The following ABCA13 variants were observed in gnomAD, a reference collection of about 807,000 sequenced individuals.
ABCA13 encodes ATP-binding cassette sub-family A member 13.
In ABCA13, 476 loss-of-function variants were observed where a neutral mutation model predicts 478.7. That is an observed-to-expected ratio of 0.99 (90% CI 0.92 to 1.07). The LOEUF is 1.07. Ranked by LOEUF, ABCA13 falls within the 50% of genes least tolerant of loss-of-function variation. The pLI is 0.00. For missense variants in ABCA13, 6,060 were observed against 5,910.6 expected (o/e 1.03, Z -0.83); for synonymous variants, 2,252 against 2,158.9 (o/e 1.04, Z -1.20).
At chr7:48,412,144 A>G (rs1429164109) in intron 40 of ABCA13, among the ~76,000 whole-genome samples, 1 of 152,180 alleles carries the variant, frequency 6.6e-6, no homozygotes, top group Non-Finnish European at 1.5e-5. Context: ...TGGCCTCACA[A>G]GGTTTATCAC....
intron 7 of ABCA13, among the ~76,000 whole-genome samples, chr7:48,230,185 T>G (rs1482161326): frequency 3.3e-5 from 5 of 152,234 alleles, no homozygotes; most frequent in Non-Finnish European, 7.3e-5. Flanking sequence ...ATTGCTAATA[T>G]AAATGATATT....
chr7:48,400,477 G>A (rs922659281), intron 38 of ABCA13, among the ~76,000 whole-genome samples: 1 of 152,126 alleles, frequency 6.6e-6, no homozygotes, highest in African/African-American at 2.4e-5. Context: ...CTTTTGAGAA[G>A]GAATTTGGAA....
At chr7:48,531,730 A>G (rs1325325418) in intron 55 of ABCA13, among the ~76,000 whole-genome samples, 2 of 100,942 alleles carry the variant, frequency 2.0e-5, no homozygotes, top group Admixed American at 1.1e-4. Flanking sequence ...GTATATTCCT[A>G]ATTTTTTTTT....
At chr7:48,616,653 G>A (rs2131574159) in intron 59 of ABCA13, among the ~76,000 whole-genome samples, 1 of 152,266 alleles carries the variant, frequency 6.6e-6, no homozygotes, top group Admixed American at 6.5e-5. Flanking sequence ...TAGTGGATAT[G>A]AACTGTAGGA....
intron 55 of ABCA13, among the ~76,000 whole-genome samples, chr7:48,551,414 T>C (rs753186715): frequency 4.0e-5 from 6 of 151,892 alleles, no homozygotes; most frequent in Non-Finnish European, 5.9e-5. Context: ...GATTATGTTG[T>C]ATTCCTTTGA....
chr7:48,277,668 G>A (rs1172791818), intron 17 of ABCA13, among the ~76,000 whole-genome samples: 1 of 152,170 alleles, frequency 6.6e-6, no homozygotes, highest in Non-Finnish European at 1.5e-5. Context: ...GCCTAGTCAT[G>A]TTGATACATC....
At chr7:48,179,960 G>A (rs990154636) in intron 1 of ABCA13, among the ~76,000 whole-genome samples, 3 of 152,110 alleles carry the variant, frequency 2.0e-5, no homozygotes, top group African/African-American at 2.4e-5. Flanking sequence ...CAGAAAATGA[G>A]CCAGGAAGGG....
chr7:48,424,567 C>T (rs10274174), intron 41 of ABCA13, among the ~76,000 whole-genome samples: 41,778 of 152,074 alleles, frequency 0.27, 5,886 homozygotes, highest in East Asian at 0.37. Flanking sequence ...TTGTGAACAA[C>T]AACTTACTGA....
intron 55 of ABCA13, among the ~76,000 whole-genome samples, chr7:48,576,353 A>C (rs1563458310): frequency 6.6e-6 from 1 of 152,184 alleles, no homozygotes; most frequent in Non-Finnish European, 1.5e-5. Flanking sequence ...CTAACTTGAA[A>C]GTAGCCTTGG....
intron 23 of ABCA13, among the ~76,000 whole-genome samples, chr7:48,306,869 A>G (rs1351098837): frequency 6.6e-6 from 1 of 152,242 alleles, no homozygotes; most frequent in African/African-American, 2.4e-5. Context: ...GATGACATTA[A>G]CAGTTAAATC....
chr7:48,505,001 G>A (rs941089573), intron 48 of ABCA13, among the ~76,000 whole-genome samples: 2 of 152,304 alleles, frequency 1.3e-5, no homozygotes, highest in South Asian at 4.1e-4. Context: ...ACACAATTCA[G>A]TTCATGATGA....
rs914932974 is a variant in ABCA13 at position 48,192,920 on chromosome 7, A to G, written c.70-39A>G. The G allele has an allele frequency of 5.7e-6, 8 of 1,404,484 alleles. No homozygotes were observed. In the African/African-American group the frequency reaches 5.8e-5, roughly 10 times the overall value. 87.0% of individuals were successfully genotyped at this position (1,404,484 alleles called of 1,614,324 possible). ...GATGAAAATATTGTAATACCTTACA[A>G]TTTATTCAGGTGATTTTTTTTTTTT... On this transcript the variant is annotated intron_variant, in intron 1 of 61. Coordinates refer to ENST00000435803, the MANE Select transcript of ABCA13 (RefSeq NM_152701.5).
Position 48,273,981 on chromosome 7 carries a change from A to T in ABCA13, c.4315A>T (p.Thr1439Ser). Residue 1439 changes from threonine (T) to serine (S), a missense_variant, in exon 17 of 62, where the codon ACT becomes TCT. Around this residue, in one of 3 missense-constraint regions of ABCA13, gnomAD observed 4,423 missense variants for 4,309.1 expected, o/e 1.03. Coordinates refer to ENST00000435803, the MANE Select transcript of ABCA13 (RefSeq NM_152701.5). The stretch of plus-strand genomic sequence containing the variant: ...AATGAACTCTATATTAAAAATTGTA[A>T]CTTGGGTGTTAAATATAAAAAAACC... ...NKMNSILKIV[T>S]WVLNIKKPLC... 1 of 1,609,598 alleles carries T rather than the reference A, an allele frequency of 6.2e-7. No homozygotes were observed. Among genetic ancestry groups the T allele is most frequent in the Non-Finnish European group, 8.5e-7 (1 of 1,177,236 alleles).
chr7:48,260,079 T>G (rs976641640), intron 15 of ABCA13, among the ~76,000 whole-genome samples: 1 of 152,106 alleles, frequency 6.6e-6, no homozygotes. Flanking sequence ...ATCTGAATGA[T>G]CTTTGTTCTT....
At chr7:48,550,436 T>G (rs1435735250) in intron 55 of ABCA13, among the ~76,000 whole-genome samples, 1 of 151,602 alleles carries the variant, frequency 6.6e-6, no homozygotes, top group Non-Finnish European at 1.5e-5. Context: ...TTTTGTATTT[T>G]TAGTAGAGAC....
intron 55 of ABCA13, among the ~76,000 whole-genome samples, chr7:48,576,914 T>C (rs1788244540): frequency 6.6e-6 from 1 of 151,956 alleles, no homozygotes; most frequent in African/African-American, 2.4e-5. Flanking sequence ...AAACTAGAAA[T>C]AAAAAATAGA....
At chr7:48,332,140 TAC>T (rs1417141040) in intron 27 of ABCA13, among the ~76,000 whole-genome samples, 1 of 152,232 alleles carries the variant, frequency 6.6e-6, no homozygotes, top group Non-Finnish European at 1.5e-5. Flanking sequence ...TTTAACCATT[TAC>T]ACATTGTGGG....
At chr7:48,226,263 C>T (rs1013050882) in intron 5 of ABCA13, among the ~76,000 whole-genome samples, 28 of 152,092 alleles carry the variant, frequency 1.8e-4, no homozygotes, top group African/African-American at 6.8e-4. Flanking sequence ...ATGGAAATTA[C>T]TGAGAATGGT....
rs76037010 is a variant in ABCA13, at chr7:48,578,603, A to G, written c.14355-1621A>G. On this transcript the variant is annotated intron_variant, in intron 55 of 61. Transcript: ENST00000435803. ...TCCATGTTTTGGGGTAGAAAAACTT[A>G]ACATCAACAAGATATTGGTTCTTCC... Among the ~76,000 whole-genome samples the G allele has an allele frequency of 3.3e-5, 5 of 152,324 alleles. No homozygotes were observed. The East Asian group carries it at 9.6e-4, about 29-fold the overall frequency.
Sources: allele counts gnomAD v4.1 joint callset (sites outside exome capture counted in the v4.1 genomes callset), GRCh38; gene constraint gnomAD v4.1.1; regional missense constraint gnomAD v4.1.1; transcripts MANE v1.5; gene names NCBI Gene and HGNC (gene_info 2026-07-23, HGNC 2026-07-21).